KLK11: variants seen among roughly 807,000 people sequenced by gnomAD.
KLK11 encodes kallikrein-11.
A neutral mutation model predicts 23.4 loss-of-function variants in KLK11; 10 were observed. That is an observed-to-expected ratio of 0.43 (90% CI 0.26 to 0.73). The LOEUF (loss-of-function observed/expected upper bound fraction) is 0.73. Among genes scored for constraint, KLK11 ranks in the 30% least tolerant of loss-of-function variants. The probability of loss-of-function intolerance (pLI) is 0.22; values close to 1 mark genes in which losing one functional copy is unlikely to be tolerated. For missense variants in KLK11, 285 were observed against 327.8 expected (o/e 0.87, Z 1.01); for synonymous variants, 131 against 131.7 (o/e 0.99, Z 0.03).
upstream of KLK11, chr19:51,027,478 C>T: frequency 1.2e-6 from 2 of 1,614,106 alleles, no homozygotes; most frequent in Non-Finnish European, 1.7e-6. Flanking sequence ...AGACCTCTGC[C>T]CGATGACTTC....
rs1205271324 is a variant in KLK11 at position 51,023,207 on chromosome 19, C to G, written c.485G>C (p.Arg162Pro). 3 of 1,613,270 alleles carry G rather than the reference C, an allele frequency of 1.9e-6. No individual in the cohort carries two copies. The highest frequency in any genetic ancestry group is 2.5e-6 in the Non-Finnish European group (3 of 1,179,812). The change falls in exon 5 of 6, where the codon CGA becomes CCA. Residue 162 changes from arginine to proline, a missense_variant. Arg to Pro is a moderately radical substitution (Grantham distance 103). Coordinates refer to ENST00000453757, the MANE Select transcript of KLK11 (RefSeq NM_001136032.3). The stretch of plus-strand genomic sequence containing the variant: ...CTCAATGATGGTGATGTTGGCGCAT[C>G]GCAAGGTGTGAGGCAGGCGTACTGT... ...SPQLRLPHTL[R>P]CANITIIEHQ... is the part of the protein sequence containing the mutation.
Position 51,024,739 on chromosome 19 carries a change from G to C in KLK11, c.96C>G (p.Ser32=). The C allele has an allele frequency of 6.2e-7, 1 of 1,603,638 alleles. No homozygotes were observed. Among genetic ancestry groups the C allele is most frequent in the Non-Finnish European group, 8.5e-7 (1 of 1,176,798 alleles). ...IIKGFECKPH[S]QPWQAALFEK... is the part of the protein sequence containing the mutation. ...CGAACAGGGCTGCCTGCCAGGGCTG[G>C]GAGTGAGGCTTGCACTCGAACCCCT... The change falls in exon 3 of 6, where the codon TCC becomes TCG. Residue 32 remains serine, a synonymous_variant. Transcript: ENST00000453757. The surrounding 1 kb of genome is among the most constrained non-coding windows in gnomAD (Gnocchi z 6.2).
In KLK11 at chr19:51,025,901, T is replaced by G; in HGVS notation, c.-35-235A>C. 1 of 357,010 alleles carries G rather than the reference T, an allele frequency of 2.8e-6. No individual in the cohort carries two copies. Among genetic ancestry groups the G allele is most frequent in the Non-Finnish European group, 5.0e-6 (1 of 198,378 alleles). The allele number at this position is 357,010 out of a possible 1,614,324, so 22.1% of individuals were successfully genotyped here. ...TGGTCACAGCTAGAAGCTTCCGAGA[T>G]ACCAAGAACCATGTGGAAGTCGTTG... On this transcript the variant is annotated intron_variant, in intron 1 of 5. Transcript: ENST00000453757. This position sits in a 1 kb window ranked among gnomAD's most constrained non-coding sequence, Gnocchi z 6.2.
At chr19:51,023,952 T>A in intron 4 of KLK11, 93 bp downstream of exon 4, 1 of 1,086,214 alleles carries the variant, frequency 9.2e-7, no homozygotes, top group Non-Finnish European at 1.3e-6. Flanking sequence ...ACATCGTCAC[T>A]GTGAACCGCA....
intron 4 of KLK11, chr19:51,023,729 T>G: frequency 3.5e-6 from 1 of 289,288 alleles, no homozygotes; most frequent in South Asian, 1.0e-4. Flanking sequence ...ATATACATTA[T>G]CTCTAATCCA....
chr19:51,026,084 C>T (rs1257620681), intron 1 of KLK11, among the ~76,000 whole-genome samples: 4 of 152,168 alleles, frequency 2.6e-5, no homozygotes, highest in Non-Finnish European at 5.9e-5. Flanking sequence ...GACACCGTTC[C>T]GTAGCCACCC....
At chr19:51,027,772 G>A, upstream of KLK11, 1 of 457,856 alleles carries the variant, frequency 2.2e-6, no homozygotes, top group South Asian at 3.1e-5. Flanking sequence ...AGAGATGGGG[G>A]TGACAGACCT....
chr19:51,027,209 TCTC>T (rs2091499431), upstream of KLK11: 2 of 516,598 alleles, frequency 3.9e-6, no homozygotes, highest in Admixed American at 6.8e-5. Flanking sequence ...GCCGCTCCCT[TCTC>T]CTTTGCAAGG....
At chr19:51,026,177 G>A (rs776603620) in intron 1 of KLK11, among the ~76,000 whole-genome samples, 2 of 152,032 alleles carry the variant, frequency 1.3e-5, no homozygotes, top group Non-Finnish European at 2.9e-5. Context: ...CCCAGACAAT[G>A]TCTGGGACCC....
At chr19:51,027,285 G>A (rs911886141), upstream of KLK11, 29 of 660,052 alleles carry the variant, frequency 4.4e-5, no homozygotes, top group Admixed American at 7.5e-5. Flanking sequence ...GGGCAGGACC[G>A]GAGGGTGGGG....
intron 1 of KLK11, among the ~76,000 whole-genome samples, chr19:51,026,289 C>T (rs2091485342): frequency 6.6e-6 from 1 of 151,962 alleles, no homozygotes; most frequent in African/African-American, 2.4e-5. Flanking sequence ...GGCCAGTGCC[C>T]TCCGCTGCCC....
At position 51,024,766 on chromosome 19, in the gene KLK11, G is replaced by A; in HGVS notation, c.69C>T (p.Ile23=). 4 of 1,600,216 alleles carry A rather than the reference G, an allele frequency of 2.5e-6. No homozygotes were observed. In the South Asian group the frequency reaches 4.5e-5, roughly 18 times the overall value. The change falls in exon 3 of 6, where the codon ATC becomes ATT. Residue 23 remains isoleucine, a synonymous_variant. Coordinates refer to ENST00000453757, the MANE Select transcript of KLK11 (RefSeq NM_001136032.3). This position sits in a 1 kb window ranked among gnomAD's most constrained non-coding sequence, Gnocchi z 6.2. Reference sequence around the variant, plus strand: ...AGTGAGGCTTGCACTCGAACCCCTTGATGATCCTGGTCTCTCCCCCTACAA... The same window carrying A: ...AGTGAGGCTTGCACTCGAACCCCTTAATGATCCTGGTCTCTCCCCCTACAA... ...TGLVGGETRI[I]KGFECKPHSQ...
Position 51,024,852 on chromosome 19 carries a change from G to T in KLK11, c.41-58C>A. The stretch of plus-strand genomic sequence containing the variant: ...GGAAGGAGAGGTGGTAGACCAGGAG[G>T]ACTCCCAGAAATGGGGGTGGGGAGG... On this transcript the variant is annotated intron_variant, in intron 2 of 5. Transcript: ENST00000453757. This position sits in a 1 kb window ranked among gnomAD's most constrained non-coding sequence, Gnocchi z 6.2. 6.8e-7 allele frequency: 1 copy of T among 1,461,380 alleles called. No individual in the cohort carries two copies. The highest frequency in any genetic ancestry group is 1.4e-5 in the South Asian group (1 of 71,462). The allele number at this position is 1,461,380 out of a possible 1,614,324, so 90.5% of individuals were successfully genotyped here.
At position 51,025,604 on chromosome 19, in the gene KLK11, C is replaced by A. The variant is rs1344838361; in HGVS notation, c.28G>T (p.Ala10Ser). The A allele has an allele frequency of 6.3e-7, 1 of 1,584,942 alleles. No homozygotes were observed. The highest frequency in any genetic ancestry group is 1.8e-5 in the Admixed American group (1 of 56,634). Residue 10 changes from alanine (A) to serine (S), a missense_variant, in exon 2 of 6, where the codon GCT becomes TCT. Ala to Ser is a moderately conservative substitution (Grantham distance 99, BLOSUM62 1). Coordinates refer to ENST00000453757, the MANE Select transcript of KLK11 (RefSeq NM_001136032.3). The surrounding 1 kb of genome is among the most constrained non-coding windows in gnomAD (Gnocchi z 6.2). MRILQLILL[A>S]LATGLVGGET... Reference sequence around the variant, plus strand: ...ATCCCCTGCGTACCTGTTGCCAGAGCAAGCAGGATTAACTGCAGAATCCTC... The same window carrying A: ...ATCCCCTGCGTACCTGTTGCCAGAGAAAGCAGGATTAACTGCAGAATCCTC...
Position 51,022,288 on chromosome 19 carries a change from G to A in KLK11, c.*257C>T, listed in dbSNP as rs2091413172. 3 of 524,868 alleles carry A rather than the reference G, an allele frequency of 5.7e-6. No homozygotes were observed. Among genetic ancestry groups the A allele is most frequent in the Non-Finnish European group, 1.0e-5 (3 of 290,344 alleles). The allele number at this position is 524,868 out of a possible 1,614,324, so 32.5% of individuals were successfully genotyped here. A position where few individuals can be genotyped will look rare whatever the true frequency, so the allele number is the denominator to read the frequency against. Reference sequence around the variant, plus strand: ...TGATATATGGCCAGGAGCTGTCTTTGGGGCTGGGGATACAACAGAGAACAA... The same window carrying A: ...TGATATATGGCCAGGAGCTGTCTTTAGGGCTGGGGATACAACAGAGAACAA... On this transcript the variant is annotated 3_prime_UTR_variant, in exon 6 of 6. Transcript: ENST00000453757.
Position 51,022,334 on chromosome 19 carries a change from G to C in KLK11, c.*211C>G. ...AACAAACCAGGTGTTGTCATTCCCA[G>C]AGTCACAATATTTCAAGGCAGAATT... is the stretch of plus-strand genomic sequence containing the variant. On this transcript the variant is annotated 3_prime_UTR_variant, in exon 6 of 6. Transcript: ENST00000453757. 1 of 588,922 alleles carries C rather than the reference G, an allele frequency of 1.7e-6. No individual in the cohort carries two copies. The highest frequency in any genetic ancestry group is 3.0e-6 in the Non-Finnish European group (1 of 330,402). 36.5% of individuals were successfully genotyped at this position (588,922 alleles called of 1,614,324 possible).
At chr19:51,027,712 G>A, upstream of KLK11, 1 of 579,230 alleles carries the variant, frequency 1.7e-6, no homozygotes, top group South Asian at 2.2e-5. Flanking sequence ...CTACCCTTAT[G>A]ACGTGGGGAC....
At position 51,025,625 on chromosome 19, in the gene KLK11, T is replaced by C. The variant is rs1005195515; in HGVS notation, c.7A>G (p.Ile3Val). 6.3e-7 allele frequency: 1 copy of C among 1,589,940 alleles called. No homozygotes were observed. Among genetic ancestry groups the C allele is most frequent in the Non-Finnish European group, 8.6e-7 (1 of 1,168,226 alleles). Reference sequence around the variant, plus strand: ...AGAGCAAGCAGGATTAACTGCAGAATCCTCATGGCCTGGAGGGGGGAGGAG... The same window carrying C: ...AGAGCAAGCAGGATTAACTGCAGAACCCTCATGGCCTGGAGGGGGGAGGAG... The part of the protein sequence containing the change: MR[I>V]LQLILLALAT... The change falls in exon 2 of 6, where the codon ATT (isoleucine) becomes GTT (valine). Residue 3 changes from isoleucine to valine, a missense_variant. Coordinates refer to ENST00000453757, the MANE Select transcript of KLK11 (RefSeq NM_001136032.3). This position sits in a 1 kb window ranked among gnomAD's most constrained non-coding sequence, Gnocchi z 6.2.
chr19:51,024,305 T>C lies in KLK11; in HGVS notation c.203A>G (p.Tyr68Cys). The C allele has an allele frequency of 6.2e-7, 1 of 1,613,560 alleles. No homozygotes were observed. The highest frequency in any genetic ancestry group is 8.5e-7 in the Non-Finnish European group (1 of 1,179,808). Residue 68 changes from tyrosine (Y) to cysteine (C), a missense_variant, in exon 4 of 6, where the codon TAC becomes TGC. Physicochemically the swap from Tyr to Cys is radical, Grantham distance 194. Coordinates refer to ENST00000453757, the MANE Select transcript of KLK11 (RefSeq NM_001136032.3). This position sits in a 1 kb window ranked among gnomAD's most constrained non-coding sequence, Gnocchi z 6.2. ...LTAAHCLKPRYIVHLGQHNLQ... is the reference protein window; with the variant it reads ...LTAAHCLKPRCIVHLGQHNLQ... ...GTTGTGCTGCCCCAGGTGAACTATGTAGCGGCTGAGGTGGGAGAGACAGTA... is the reference window on the plus strand; with the variant it reads ...GTTGTGCTGCCCCAGGTGAACTATGCAGCGGCTGAGGTGGGAGAGACAGTA...
Sources: gnomAD v4.1 joint callset for allele counts (sites outside exome capture counted in the v4.1 genomes callset) on GRCh38, gnomAD v4.1.1 for gene constraint, Gnocchi (gnomAD v3.1) non-coding constraint, MANE v1.5 for transcripts, NCBI Gene and HGNC (gene_info 2026-07-23, HGNC 2026-07-21) for gene names.